Variants in NFX1 observed in about 807,000 individuals in gnomAD.
NFX1 encodes the protein transcriptional repressor NF-X1.
NFX1 carries 69 observed loss-of-function variants against 137.2 expected under a neutral mutation model. The observed-to-expected ratio is 0.50, with a 90% CI of 0.41 to 0.61. NFX1 has a LOEUF of 0.61. Among genes scored for constraint, NFX1 ranks in the 20% least tolerant of loss-of-function variants. The pLI, the probability that NFX1 is intolerant of heterozygous loss-of-function variation, is 0.00. For missense variants in NFX1, 1,167 were observed against 1,391.0 expected, an observed-to-expected ratio of 0.84 and a Z score of 2.56; for synonymous variants, 495 against 474.1, an observed-to-expected ratio of 1.04 and a Z score of -0.57.
chr9:33,340,399 C>T (rs1823176291), intron 12 of NFX1, among the ~76,000 whole-genome samples: 1 of 152,238 alleles, frequency 6.6e-6, no homozygotes, highest in South Asian at 2.1e-4. Context: ...GCACCAAGTC[C>T]CGAGGCTGCA....
intron 19 of NFX1, among the ~76,000 whole-genome samples, chr9:33,362,764 C>T (rs1824041288): frequency 1.6e-5 from 2 of 128,474 alleles, no homozygotes; most frequent in East Asian, 2.6e-4. Flanking sequence ...AGTGCAATGG[C>T]GCTATCTCAG....
intron 5 of NFX1, among the ~76,000 whole-genome samples, chr9:33,310,217 C>T (rs62542701): frequency 0.069 from 10,507 of 152,224 alleles, 457 homozygotes; most frequent in Non-Finnish European, 0.11. Context: ...TAATGTTTTA[C>T]AGCAAATTCT....
chr9:33,351,512 C>A (rs772049576), intron 15 of NFX1, 48 bp from the exon 16 acceptor site: 2 of 1,565,516 alleles, frequency 1.3e-6, no homozygotes, highest in Admixed American at 1.7e-5. Context: ...AAAACTCACC[C>A]CAAATCCCAC....
At chr9:33,361,134 A>G (rs937841342) in intron 19 of NFX1, among the ~76,000 whole-genome samples, 2 of 152,276 alleles carry the variant, frequency 1.3e-5, no homozygotes, top group Non-Finnish European at 2.9e-5. Context: ...GTCGTATATA[A>G]TATTGAGAAA....
At chr9:33,350,220 C>G (rs536045347) in intron 15 of NFX1, among the ~76,000 whole-genome samples, 1 of 150,734 alleles carries the variant, frequency 6.6e-6, no homozygotes, top group Non-Finnish European at 1.5e-5. Flanking sequence ...AGGAGAATCG[C>G]TTGAACCCAG....
intron 19 of NFX1, among the ~76,000 whole-genome samples, chr9:33,357,153 T>C (rs1823838493): frequency 6.6e-6 from 1 of 151,744 alleles, no homozygotes; most frequent in Non-Finnish European, 1.5e-5. Flanking sequence ...ATACAAAAAA[T>C]TAGCCGGGCA....
chr9:33,347,778 C>A, intron 15 of NFX1: 1 of 320,696 alleles, frequency 3.1e-6, no homozygotes, highest in Non-Finnish European at 6.3e-6. Flanking sequence ...GGAACCAGCC[C>A]AACTGCCCAT....
chr9:33,343,951 C>A, intron 13 of NFX1, 118 bp from the exon 14 acceptor site: 1 of 1,298,692 alleles, frequency 7.7e-7, no homozygotes, highest in Non-Finnish European at 1.1e-6. Flanking sequence ...AAAGTAGCAC[C>A]CCCATAAATT....
chr9:33,301,250 G>A lies in NFX1; in HGVS notation c.1034-13G>A. On this transcript the variant is annotated splice_polypyrimidine_tract_variant and intron_variant, in intron 2 of 23. Transcript: ENST00000379540. ...TTGAGTTAATCTTTTTTGTTATTTT[G>A]TTTTTTAAACAGGTTCTCTAATTGA... The A allele has an allele frequency of 6.2e-7, 1 of 1,606,260 alleles. No homozygotes were observed. The highest frequency in any genetic ancestry group is 8.5e-7 in the Non-Finnish European group (1 of 1,176,804).
At position 33,364,597 on chromosome 9, in the gene NFX1, G is replaced by A. The variant is rs60654583; in HGVS notation, c.2973-111G>A. On this transcript the variant is annotated intron_variant, in intron 20 of 23. Transcript: ENST00000379540. ...TTTCTGACAATTCCTGATCTCTGCA[G>A]TTTTACTGCCAGCATTGTCTATTGT... The A allele has an allele frequency of 1.7e-3, 2,232 of 1,278,232 alleles. 14 individuals carry two copies. The highest frequency in any genetic ancestry group is 0.017 in the African/African-American group (1,113 of 66,392). The allele number at this position is 1,278,232 out of a possible 1,614,324, so 79.2% of individuals were successfully genotyped here. A position where few individuals can be genotyped will look rare whatever the true frequency, so the allele number is the denominator to read the frequency against.
intron 5 of NFX1, among the ~76,000 whole-genome samples, chr9:33,309,741 C>T (rs952680337): frequency 6.6e-5 from 10 of 152,230 alleles, no homozygotes; most frequent in African/African-American, 2.4e-4. Flanking sequence ...GATCCTCCCA[C>T]CTCAGCCTCC....
intron 2 of NFX1, among the ~76,000 whole-genome samples, chr9:33,300,899 TCTG>T (rs1821538146): frequency 6.6e-6 from 1 of 152,236 alleles, no homozygotes; most frequent in African/African-American, 2.4e-5. Flanking sequence ...AATCCATGGA[TCTG>T]ATAGATTTAG....
intron 6 of NFX1, among the ~76,000 whole-genome samples, chr9:33,313,404 T>G (rs1230599818): frequency 6.7e-6 from 1 of 150,140 alleles, no homozygotes; most frequent in African/African-American, 2.5e-5. Flanking sequence ...GTCTGGGCAA[T>G]ATAGTGAGAC....
At chr9:33,302,090 T>A (rs1173958893) in intron 3 of NFX1, among the ~76,000 whole-genome samples, 1 of 151,716 alleles carries the variant, frequency 6.6e-6, no homozygotes, top group African/African-American at 2.4e-5. Context: ...AAAAAAACAT[T>A]TTTTTTTCAT....
intron 19 of NFX1, among the ~76,000 whole-genome samples, chr9:33,355,785 C>T (rs1189576946): frequency 6.6e-6 from 1 of 151,786 alleles, no homozygotes; most frequent in Non-Finnish European, 1.5e-5. Context: ...GTTGGCATTA[C>T]AGGTGTGTAC....
Position 33,313,809 on chromosome 9 carries a change from A to G in NFX1, c.1588+16A>G, listed in dbSNP as rs1372292311. On this transcript the variant is annotated intron_variant, in intron 7 of 23. Coordinates refer to ENST00000379540, the MANE Select transcript of NFX1 (RefSeq NM_002504.6). ...TTGAACCAGGGTAAGTGGTGGGCACACCAGCTAGCAATGCTTGTGTTCTTT... is the reference window on the plus strand; with the variant it reads ...TTGAACCAGGGTAAGTGGTGGGCACGCCAGCTAGCAATGCTTGTGTTCTTT... 1 of 1,608,720 alleles carries G rather than the reference A, an allele frequency of 6.2e-7. No homozygotes were observed. The highest frequency in any genetic ancestry group is 1.3e-5 in the African/African-American group (1 of 74,808).
Position 33,301,411 on chromosome 9 carries a change from A to T in NFX1, c.1182A>T (p.Ala394=), listed in dbSNP as rs967395209. Residue 394 remains alanine, a synonymous_variant, in exon 3 of 24, where the codon GCA becomes GCT. Transcript: ENST00000379540. ...NCIKKWARSP[A]SQADGQSGWR... ...TAAAGAAATGGGCAAGGTCTCCAGCATCTCAAGCAGGTCAATTAATTCTCT... is the reference window on the plus strand; with the variant it reads ...TAAAGAAATGGGCAAGGTCTCCAGCTTCTCAAGCAGGTCAATTAATTCTCT... 5 of 1,613,776 alleles carry T rather than the reference A, an allele frequency of 3.1e-6. No individual in the cohort carries two copies. The highest frequency in any genetic ancestry group is 4.2e-6 in the Non-Finnish European group (5 of 1,179,912).
Position 33,319,069 on chromosome 9 carries a change from G to T in NFX1, c.1848G>T (p.Met616Ile), listed in dbSNP as rs1163219828. 1 of 1,614,086 alleles carries T rather than the reference G, an allele frequency of 6.2e-7. No homozygotes were observed. Among genetic ancestry groups the T allele is most frequent in the African/African-American group, 1.3e-5 (1 of 74,924 alleles). The stretch of plus-strand genomic sequence containing the variant: ...GAAGTAGTAGTCGGAAAACATGCAT[G>T]GACCCTGTGCCTTCATGTGGAAAAG... Reference protein sequence around the residue: ...ELGSSSRKTCMDPVPSCGKVC... With the variant: ...ELGSSSRKTCIDPVPSCGKVC... Residue 616 changes from methionine (M) to isoleucine (I), a missense_variant, in exon 9 of 24, where the codon ATG becomes ATT. By Grantham distance (10) the Met-to-Ile change is conservative. This residue lies in a region of NFX1 where 488 missense variants were observed against 691.5 expected (regional missense o/e 0.71). Transcript: ENST00000379540.
rs920237167 is a variant in NFX1 at position 33,290,518 on chromosome 9, C to T, written c.-55C>T. The T allele has an allele frequency of 2.5e-6, 4 of 1,603,890 alleles. No homozygotes were observed. The East Asian group carries it at 6.7e-5, about 27-fold the overall frequency. Reference sequence around the variant, plus strand: ...GGCGCCGGAAGTCCGGGGCACGTGACCTGGTGACAGTGCTGACTTGGCTGT... The same window carrying T: ...GGCGCCGGAAGTCCGGGGCACGTGATCTGGTGACAGTGCTGACTTGGCTGT... On this transcript the variant is annotated 5_prime_UTR_variant, in exon 1 of 24. Transcript: ENST00000379540.
Sources: gnomAD v4.1 joint callset for allele counts (sites outside exome capture counted in the v4.1 genomes callset) on GRCh38, gnomAD v4.1.1 for gene constraint, gnomAD v4.1.1 regional missense constraint, MANE v1.5 for transcripts, NCBI Gene and HGNC (gene_info 2026-07-23, HGNC 2026-07-21) for gene names.